CELF2: variants seen among roughly 807,000 people sequenced by gnomAD.
The protein encoded by CELF2 is CUG triplet repeat RNA-binding protein 2.
In CELF2, 8 loss-of-function variants were observed where a neutral mutation model predicts 62.6. That is an observed-to-expected ratio of 0.13 (90% CI 0.07 to 0.23). CELF2 has a LOEUF of 0.23. CELF2 is among the 10% of genes least tolerant of loss of function. CELF2 has a pLI of 1.00. For synonymous variants in CELF2, 258 were observed against 250.0 expected, an observed-to-expected ratio of 1.03 and a Z score of -0.30; for missense variants, 333 against 671.0, an observed-to-expected ratio of 0.50 and a Z score of 5.56.
the CELF2 span, among the ~76,000 whole-genome samples, chr10:10,557,627 T>C: frequency 6.6e-6 from 1 of 152,112 alleles, no homozygotes; most frequent in Admixed American, 6.5e-5. Flanking sequence ...CCTTGGGCAG[T>C]ATTGCCATTT....
At position 11,088,964 on chromosome 10, in the gene CELF2, G is replaced by A. The variant is rs934154707; in HGVS notation, c.74+70801G>A. 3.9e-5 allele frequency among the ~76,000 whole-genome samples: 6 copies of A among 152,214 alleles called. No homozygotes were observed. In the South Asian group the frequency reaches 8.3e-4, roughly 21 times the overall value. On this transcript the variant is annotated intron_variant, in intron 1 of 12. Transcript: ENST00000633077. ...AAGCACATGCAAGCCTCTCCCGTGC[G>A]TTGGGCTGCCATTGGCACGGCTGCT... is the stretch of plus-strand genomic sequence containing the variant.
At chr10:10,642,232 A>C in the CELF2 span, among the ~76,000 whole-genome samples, 37 of 152,316 alleles carry the variant, frequency 2.4e-4, no homozygotes, top group African/African-American at 8.4e-4. Context: ...ATTCTTCCCC[A>C]CTTTACACAT....
chr10:10,637,675 C>T, the CELF2 span, among the ~76,000 whole-genome samples: 9 of 152,178 alleles, frequency 5.9e-5, no homozygotes, highest in Non-Finnish European at 1.0e-4. Flanking sequence ...AGGATCCCAA[C>T]GGTCACCTGA....
the CELF2 span, among the ~76,000 whole-genome samples, chr10:10,478,068 C>G: frequency 3.3e-5 from 5 of 152,104 alleles, no homozygotes; most frequent in Admixed American, 3.3e-4. Flanking sequence ...ACACCGGATT[C>G]TATATAAACA....
At chr10:10,598,162 T>C in the CELF2 span, among the ~76,000 whole-genome samples, 1 of 152,214 alleles carries the variant, frequency 6.6e-6, no homozygotes, top group African/African-American at 2.4e-5. Context: ...TAGAAAATAT[T>C]TCATTTCAAA....
chr10:11,022,277 C>A (rs1355562357), intron 1 of CELF2, among the ~76,000 whole-genome samples: 2 of 152,154 alleles, frequency 1.3e-5, no homozygotes, highest in Non-Finnish European at 1.5e-5. Flanking sequence ...AGGAAGAATT[C>A]ATCCCACATT....
the CELF2 span, among the ~76,000 whole-genome samples, chr10:10,535,894 T>C: frequency 1.3e-5 from 2 of 152,108 alleles, no homozygotes; most frequent in Non-Finnish European, 2.9e-5. Context: ...TTTTAGACTT[T>C]ACACCACATA....
the CELF2 span, among the ~76,000 whole-genome samples, chr10:10,653,513 C>G: frequency 1.7e-3 from 235 of 139,610 alleles, 2 homozygotes; most frequent in African/African-American, 3.9e-3. Flanking sequence ...TTATAACAAA[C>G]TATCTCTCAG....
At chr10:10,484,388 C>T in the CELF2 span, among the ~76,000 whole-genome samples, 1 of 124,874 alleles carries the variant, frequency 8.0e-6, no homozygotes, top group Non-Finnish European at 1.7e-5. Flanking sequence ...GCAATCTTGG[C>T]TCATTGCAAC....
At chr10:10,607,909 C>T in the CELF2 span, among the ~76,000 whole-genome samples, 6 of 151,762 alleles carry the variant, frequency 4.0e-5, no homozygotes, top group African/African-American at 1.5e-4. Flanking sequence ...GGTGGATCAC[C>T]TGAGGTCAGG....
At chr10:10,582,039 T>C in the CELF2 span, among the ~76,000 whole-genome samples, 1 of 151,280 alleles carries the variant, frequency 6.6e-6, no homozygotes, top group East Asian at 2.0e-4. Flanking sequence ...AAAAAAAGGG[T>C]GGGGGGTCAC....
At chr10:10,662,160 C>A in the CELF2 span, among the ~76,000 whole-genome samples, 2 of 152,126 alleles carry the variant, frequency 1.3e-5, no homozygotes, top group African/African-American at 2.4e-5. Context: ...GGCCTCCAAC[C>A]ACGTCCACTG....
At chr10:11,016,925 G>A (rs1435279734), upstream of CELF2, among the ~76,000 whole-genome samples, 1 of 152,180 alleles carries the variant, frequency 6.6e-6, no homozygotes, top group Non-Finnish European at 1.5e-5. This position sits in a 1 kb window ranked among gnomAD's most constrained non-coding sequence, Gnocchi z 5.2. Context: ...CTTTTGGTAC[G>A]CAATTTATGA....
At chr10:11,051,191 A>T (rs1341923083) in intron 1 of CELF2, among the ~76,000 whole-genome samples, 1 of 152,146 alleles carries the variant, frequency 6.6e-6, no homozygotes, top group Non-Finnish European at 1.5e-5. Context: ...TCTTAGAAAG[A>T]TAACCTTTCT....
the CELF2 span, among the ~76,000 whole-genome samples, chr10:10,537,935 G>A: frequency 6.6e-6 from 1 of 152,168 alleles, no homozygotes; most frequent in Non-Finnish European, 1.5e-5. Flanking sequence ...GCGGGAGCCT[G>A]ATTAGGAAGG....
the CELF2 span, chr10:10,776,734 C>T: frequency 6.5e-6 from 1 of 154,302 alleles, no homozygotes; most frequent in African/African-American, 2.4e-5. Flanking sequence ...CTCCCATCGC[C>T]TCATGCCCTT....
intron 1 of CELF2, among the ~76,000 whole-genome samples, chr10:11,143,163 A>C (rs1168071256): frequency 1.3e-5 from 2 of 152,050 alleles, no homozygotes; most frequent in Non-Finnish European, 2.9e-5. Context: ...TGTGCCTGTA[A>C]TGGACACTTT....
At chr10:10,727,625 A>T in the CELF2 span, among the ~76,000 whole-genome samples, 4 of 152,176 alleles carry the variant, frequency 2.6e-5, no homozygotes, top group East Asian at 7.7e-4. Context: ...AAGTACAAAA[A>T]ATTAGCCGGG....
At chr10:11,057,863 T>C (rs549697610) in intron 1 of CELF2, among the ~76,000 whole-genome samples, 1 of 152,226 alleles carries the variant, frequency 6.6e-6, no homozygotes, top group Non-Finnish European at 1.5e-5. Context: ...TTCTGACATT[T>C]GCTAGCGGTC....
Sources: gnomAD v4.1 joint callset for allele counts (sites outside exome capture counted in the v4.1 genomes callset) on GRCh38, gnomAD v4.1.1 for gene constraint, Gnocchi (gnomAD v3.1) non-coding constraint, MANE v1.5 for transcripts, NCBI Gene and HGNC (gene_info 2026-07-23, HGNC 2026-07-21) for gene names.